The following PABPC4L variants were observed in gnomAD, a reference collection of about 807,000 sequenced individuals.
PABPC4L encodes poly(A) binding protein cytoplasmic 4 like.
For missense variants in PABPC4L, 452 were observed against 451.4 expected, an observed-to-expected ratio of 1.00 and a Z score of -0.01; for synonymous variants, 169 against 164.1, an observed-to-expected ratio of 1.03 and a Z score of -0.23.
chr4:134,097,633 A>G, the PABPC4L span, among the ~76,000 whole-genome samples: 46 of 152,012 alleles, frequency 3.0e-4, no homozygotes, highest in African/African-American at 1.0e-3. Flanking sequence ...TTGTTCATTC[A>G]TCAAATGCTT....
chr4:133,993,283 T>C, the PABPC4L span, among the ~76,000 whole-genome samples: 1 of 152,264 alleles, frequency 6.6e-6, no homozygotes, highest in East Asian at 1.9e-4. Context: ...CACGTTCTAC[T>C]GTGGCCTGTC....
chr4:134,110,562 TGTGTGTGTGTGTGTG>T, the PABPC4L span, among the ~76,000 whole-genome samples: 3 of 226 alleles, frequency 0.013, no homozygotes, highest in South Asian at 0.1. Flanking sequence ...CTCTGTCTTG[TGTGTGTGTGTGTGTG>T]TGTGTGTGTG....
chr4:133,977,647 T>C, the PABPC4L span, among the ~76,000 whole-genome samples: 1 of 152,192 alleles, frequency 6.6e-6, no homozygotes, highest in African/African-American at 2.4e-5. Flanking sequence ...GCTGTATTCC[T>C]AGGTATTTTA....
chr4:134,061,953 A>G, the PABPC4L span, among the ~76,000 whole-genome samples: 1 of 152,042 alleles, frequency 6.6e-6, no homozygotes, highest in Non-Finnish European at 1.5e-5. Flanking sequence ...ACCAACCCTC[A>G]TAGGATGACA....
chr4:134,022,192 C>T, the PABPC4L span, among the ~76,000 whole-genome samples: 1 of 152,100 alleles, frequency 6.6e-6, no homozygotes, highest in African/African-American at 2.4e-5. Context: ...TTATTCTGTT[C>T]AGTCACTTTA....
At chr4:134,107,793 A>G in the PABPC4L span, among the ~76,000 whole-genome samples, 3 of 151,674 alleles carry the variant, frequency 2.0e-5, no homozygotes, top group African/African-American at 4.8e-5. Context: ...CGTGTGTTCA[A>G]TTAGTAAGAT....
the PABPC4L span, among the ~76,000 whole-genome samples, chr4:134,122,676 G>T: frequency 0.45 from 68,683 of 151,524 alleles, 18,042 homozygotes; most frequent in East Asian, 0.98. Flanking sequence ...ATCATTAAAA[G>T]GGAACTCAAT....
At chr4:134,017,760 T>C in the PABPC4L span, among the ~76,000 whole-genome samples, 3 of 151,968 alleles carry the variant, frequency 2.0e-5, no homozygotes, top group African/African-American at 7.3e-5. Context: ...CAAATGTTTC[T>C]TCTAAAAACC....
the PABPC4L span, among the ~76,000 whole-genome samples, chr4:134,154,709 T>C: frequency 6.6e-6 from 1 of 152,020 alleles, no homozygotes; most frequent in African/African-American, 2.4e-5. Context: ...AAAAGAAACC[T>C]TGCTCATTCT....
chr4:134,140,686 T>A, the PABPC4L span, among the ~76,000 whole-genome samples: 4 of 151,986 alleles, frequency 2.6e-5, no homozygotes, highest in East Asian at 7.7e-4. Flanking sequence ...CAAACCCTGA[T>A]CTACGTTTAT....
At chr4:133,972,902 T>C in the PABPC4L span, among the ~76,000 whole-genome samples, 686 of 152,222 alleles carry the variant, frequency 4.5e-3, 8 homozygotes, top group African/African-American at 0.016. Context: ...CACTGTTTTG[T>C]TTGGCAGTAA....
At chr4:133,990,358 A>G in the PABPC4L span, among the ~76,000 whole-genome samples, 13 of 152,240 alleles carry the variant, frequency 8.5e-5, no homozygotes, top group South Asian at 2.1e-4. Context: ...TGATGTTTCT[A>G]TTATAATTGT....
the PABPC4L span, among the ~76,000 whole-genome samples, chr4:133,965,711 T>A: frequency 0.13 from 19,645 of 151,930 alleles, 2,693 homozygotes; most frequent in East Asian, 0.49. Flanking sequence ...AAACATAAAG[T>A]GAGGAAAGGA....
the PABPC4L span, among the ~76,000 whole-genome samples, chr4:134,102,945 A>C: frequency 6.6e-6 from 1 of 151,482 alleles, no homozygotes; most frequent in Non-Finnish European, 1.5e-5. Context: ...AATATATAAA[A>C]TATTTTTGGA....
the PABPC4L span, among the ~76,000 whole-genome samples, chr4:134,043,690 A>T: frequency 6.6e-6 from 1 of 152,100 alleles, no homozygotes. Flanking sequence ...AAAACAAAAT[A>T]CATCAGACAC....
the PABPC4L span, among the ~76,000 whole-genome samples, chr4:134,003,863 G>T: frequency 6.6e-6 from 1 of 151,858 alleles, no homozygotes; most frequent in African/African-American, 2.4e-5. Flanking sequence ...TTCAGGAGTA[G>T]GATATAACAT....
the PABPC4L span, among the ~76,000 whole-genome samples, chr4:134,009,131 C>T: frequency 6.6e-6 from 1 of 151,604 alleles, no homozygotes; most frequent in Non-Finnish European, 1.5e-5. Context: ...CAAAACTTTT[C>T]AAAGTAAGAA....
the PABPC4L span, among the ~76,000 whole-genome samples, chr4:133,979,246 T>C: frequency 6.6e-6 from 1 of 152,310 alleles, no homozygotes; most frequent in Middle Eastern, 3.4e-3. Context: ...TCTTTCCATG[T>C]TATTTGATAA....
the PABPC4L span, among the ~76,000 whole-genome samples, chr4:133,985,280 T>C: frequency 1.3e-5 from 2 of 151,854 alleles, no homozygotes; most frequent in Admixed American, 6.6e-5. Context: ...GTTTGAAATA[T>C]AAAACACCTA....
Sources: gnomAD v4.1 joint callset for allele counts (sites outside exome capture counted in the v4.1 genomes callset) on GRCh38, gnomAD v4.1.1 for gene constraint, MANE v1.5 for transcripts, NCBI Gene and HGNC (gene_info 2026-07-23, HGNC 2026-07-21) for gene names.